Variants in ZNF79 observed in about 807,000 individuals in gnomAD.
ZNF79 encodes ZNFpT7.
Under a neutral mutation model 14.9 loss-of-function variants are expected in ZNF79, and 13 were observed. That is an observed-to-expected ratio of 0.87 (90% CI 0.57 to 1.38). The LOEUF (loss-of-function observed/expected upper bound fraction) is 1.38, where lower values mean the gene tolerates loss of function less well. Ranked by LOEUF, ZNF79 falls within the 40% of genes most tolerant of loss-of-function variation. ZNF79 has a pLI of 0.00. For synonymous variants in ZNF79, 223 were observed against 235.1 expected (o/e 0.95, Z 0.47); for missense variants, 631 against 630.6 (o/e 1.00, Z -0.01).
At chr9:127,427,384 T>C (rs569887255) in intron 1 of ZNF79, among the ~76,000 whole-genome samples, 2 of 151,004 alleles carry the variant, frequency 1.3e-5, no homozygotes, top group African/African-American at 4.9e-5. Context: ...GATTGTGCCA[T>C]TGCACTCTAG....
chr9:127,442,150 C>T (rs1834060090), intron 4 of ZNF79, among the ~76,000 whole-genome samples: 1 of 150,190 alleles, frequency 6.7e-6, no homozygotes, highest in Admixed American at 6.7e-5. Context: ...CCTGTATTTC[C>T]AGCACTTTGG....
intron 2 of ZNF79, among the ~76,000 whole-genome samples, chr9:127,434,475 C>T (rs890588103): frequency 1.3e-5 from 2 of 152,230 alleles, no homozygotes; most frequent in Non-Finnish European, 2.9e-5. Flanking sequence ...ATTACCTCTT[C>T]AAGTCCCAAG....
intron 4 of ZNF79, among the ~76,000 whole-genome samples, chr9:127,440,020 G>A (rs1347766159): frequency 6.6e-6 from 1 of 152,066 alleles, no homozygotes; most frequent in Non-Finnish European, 1.5e-5. Flanking sequence ...CCACCACCAC[G>A]CCCGGCTAAT....
intron 2 of ZNF79, among the ~76,000 whole-genome samples, chr9:127,429,317 G>GTTTTTTTTTTTT: frequency 6.7e-6 from 1 of 150,262 alleles, no homozygotes; most frequent in Non-Finnish European, 1.5e-5. Context: ...TGGTTGGCCT[G>GTTTTTTTTTTTT]TTTTATTATT....
intron 1 of ZNF79, among the ~76,000 whole-genome samples, chr9:127,426,099 A>G (rs1283776486): frequency 6.6e-6 from 1 of 152,206 alleles, no homozygotes; most frequent in African/African-American, 2.4e-5. Context: ...ATCCAGATCT[A>G]TTTATTTATT....
intron 4 of ZNF79, 100 bp downstream of exon 4, chr9:127,436,103 C>T (rs897931920): frequency 1.2e-5 from 11 of 952,594 alleles, no homozygotes; most frequent in East Asian, 7.5e-5. Context: ...GTGAGGTAGG[C>T]GCTATTACCC....
chr9:127,425,517 C>G (rs375266837), intron 1 of ZNF79, among the ~76,000 whole-genome samples: 76 of 152,318 alleles, frequency 5.0e-4, no homozygotes, highest in Admixed American at 7.8e-4. Flanking sequence ...GTCTTTTACT[C>G]TACAAGTGCA....
Position 127,444,931 on chromosome 9 carries a change from C to T in ZNF79, c.1231C>T (p.His411Tyr), listed in dbSNP as rs1014488409. The T allele has an allele frequency of 1.2e-6, 2 of 1,614,122 alleles. No homozygotes were observed. Among genetic ancestry groups the T allele is most frequent in the Admixed American group, 3.3e-5 (2 of 60,014 alleles). Reference protein sequence around the residue: ...STNLIIHQKTHTGEKPYKCNE... With the variant: ...STNLIIHQKTYTGEKPYKCNE... ...CAATCTCATAATCCACCAAAAGACC[C>T]ACACCGGGGAGAAGCCATATAAATG... Residue 411 changes from histidine to tyrosine, a missense_variant, in exon 5 of 5, where the codon CAC becomes TAC. Physicochemically the swap from His to Tyr is moderately conservative, Grantham distance 83 (BLOSUM62 2). Coordinates refer to ENST00000342483, the MANE Select transcript of ZNF79 (RefSeq NM_007135.3).
intron 2 of ZNF79, among the ~76,000 whole-genome samples, chr9:127,430,589 A>C (rs1316566987): frequency 6.6e-6 from 1 of 152,234 alleles, no homozygotes; most frequent in Admixed American, 6.5e-5. Flanking sequence ...ATGTCACTGC[A>C]AAGGACATGA....
At position 127,432,530 on chromosome 9, in the gene ZNF79, A is replaced by ATT. The variant is rs11410911; in HGVS notation, c.106-2547_106-2546dup. Among the ~76,000 whole-genome samples, 283 of 144,376 alleles carry ATT rather than the reference A, an allele frequency of 2.0e-3. 2 individuals carry two copies. Among genetic ancestry groups the ATT allele is most frequent in the East Asian group, 7.3e-3 (37 of 5,046 alleles). 94.7% of individuals were successfully genotyped at this position (144,376 alleles called of 152,430 possible). On this transcript the variant is annotated intron_variant, in intron 2 of 4. Transcript: ENST00000342483. ...TTACGTTGAAAGTTTTTGGCTATGT[A>ATT]TTTTTTTTTTTTTTAGGTATTCTAA...
rs755742220 is a variant in ZNF79 at position 127,428,875 on chromosome 9, A to G, written c.60A>G (p.Thr20=). 3 of 1,605,382 alleles carry G rather than the reference A, an allele frequency of 1.9e-6. No individual in the cohort carries two copies. Among genetic ancestry groups the G allele is most frequent in the East Asian group, 2.3e-5 (1 of 44,180 alleles). The stretch of plus-strand genomic sequence containing the variant: ...CTGCCCTTCCCCAAGAGGAAAACAC[A>G]GGAGAGGAAGGAATGGCTGCTGGTC... The part of the protein sequence containing the change: ...PGPALPQEEN[T]GEEGMAAGLL... The change falls in exon 2 of 5, where the codon ACA becomes ACG. Residue 20 remains threonine, a synonymous_variant. Transcript: ENST00000342483.
At position 127,444,600 on chromosome 9, in the gene ZNF79, C is replaced by T. The variant is rs144591018; in HGVS notation, c.900C>T (p.Thr300=). Residue 300 remains threonine, a synonymous_variant, in exon 5 of 5, where the codon ACC becomes ACT. Coordinates refer to ENST00000342483, the MANE Select transcript of ZNF79 (RefSeq NM_007135.3). The part of the protein sequence containing the change: ...SALVQHQRIH[T]GEKPYECSDC... ...TTGTTCAGCATCAGAGAATTCATAC[C>T]GGAGAGAAGCCCTACGAATGCAGCG... 3.0e-4 allele frequency: 486 copies of T among 1,613,764 alleles called. No homozygotes were observed. The highest frequency in any genetic ancestry group is 3.8e-4 in the Non-Finnish European group (445 of 1,179,994).
At chr9:127,431,459 G>C (rs889867631) in intron 2 of ZNF79, among the ~76,000 whole-genome samples, 1 of 151,960 alleles carries the variant, frequency 6.6e-6, no homozygotes, top group Non-Finnish European at 1.5e-5. Context: ...TTTTTGGCTA[G>C]GCTGTTCTTG....
intron 2 of ZNF79, among the ~76,000 whole-genome samples, 184 bp from the exon 3 acceptor site, chr9:127,434,906 T>C (rs3923309): frequency 0.61 from 92,114 of 152,056 alleles, 28,231 homozygotes; most frequent in African/African-American, 0.63. Flanking sequence ...GCCTCACCTC[T>C]TGGCCTCCCA....
At position 127,427,470 on chromosome 9, in the gene ZNF79, C is replaced by T. The variant is rs558693772; in HGVS notation, c.17-1362C>T. On this transcript the variant is annotated intron_variant, in intron 1 of 4. Coordinates refer to ENST00000342483, the MANE Select transcript of ZNF79 (RefSeq NM_007135.3). Reference sequence around the variant, plus strand: ...CATACACACAGAAAATTATGTGCTACGCCAGCATTTCGGCCTCCCAAAGTG... The same window carrying T: ...CATACACACAGAAAATTATGTGCTATGCCAGCATTTCGGCCTCCCAAAGTG... Among the ~76,000 whole-genome samples the T allele has an allele frequency of 2.5e-4, 37 of 150,142 alleles. No individual in the cohort carries two copies. In the East Asian group the frequency reaches 5.6e-3, roughly 23 times the overall value.
chr9:127,428,490 A>G (rs1404646557), intron 1 of ZNF79: 3 of 183,756 alleles, frequency 1.6e-5, no homozygotes, highest in African/African-American at 7.1e-5. Context: ...CTTTATCTGT[A>G]TGTTCCTTTA....
chr9:127,424,733 TA>T lies in ZNF79; in HGVS notation c.-54del. The T allele has an allele frequency of 6.2e-7, 1 of 1,612,822 alleles. No individual in the cohort carries two copies. Among genetic ancestry groups the T allele is most frequent in the South Asian group, 1.1e-5 (1 of 90,934 alleles). On this transcript the variant is annotated 5_prime_UTR_variant, in exon 1 of 5. In the 5' UTR this introduces an upstream ATG that the reference lacks. Transcript: ENST00000342483. ...AGAACGGGGTGGGGGCTGCTGTAGATAGACCCTTACGCCCAGAGAACTGCTG... is the reference window on the plus strand; with the variant it reads ...AGAACGGGGTGGGGGCTGCTGTAGATGACCCTTACGCCCAGAGAACTGCTG...
intron 4 of ZNF79, among the ~76,000 whole-genome samples, chr9:127,436,799 G>A (rs1055137862): frequency 1.3e-5 from 2 of 152,228 alleles, no homozygotes; most frequent in Non-Finnish European, 2.9e-5. Context: ...GCTCACGCCT[G>A]TAATCCCAGC....
intron 1 of ZNF79, among the ~76,000 whole-genome samples, chr9:127,426,408 CT>C (rs1357986729): frequency 1.6e-4 from 21 of 134,632 alleles, no homozygotes; most frequent in Non-Finnish European, 2.8e-4. Flanking sequence ...GAGTTTTGCT[CT>C]TGTTGCCCAG....
Sources: allele counts gnomAD v4.1 joint callset (sites outside exome capture counted in the v4.1 genomes callset), GRCh38; gene constraint gnomAD v4.1.1; transcripts MANE v1.5; gene names NCBI Gene and HGNC (gene_info 2026-07-23, HGNC 2026-07-21).